ASIC2: variants seen among roughly 807,000 people sequenced by gnomAD.
ASIC2 encodes the protein acid-sensing ion channel 2.
In ASIC2, 25 loss-of-function variants were observed where a neutral mutation model predicts 57.3. That is an observed-to-expected ratio of 0.44 (90% confidence interval 0.32 to 0.61). The LOEUF (loss-of-function observed/expected upper bound fraction) is 0.61. ASIC2 is among the 20% of genes least tolerant of loss of function. ASIC2 has a pLI of 0.06. For missense variants in ASIC2, 641 were observed against 738.1 expected (o/e 0.87, Z 1.52); for synonymous variants, 319 against 307.5 (o/e 1.04, Z -0.39).
intron 1 of ASIC2, among the ~76,000 whole-genome samples, chr17:33,272,586 G>GTCA (rs922431515): frequency 3.3e-5 from 5 of 151,960 alleles, no homozygotes; most frequent in African/African-American, 9.7e-5. Flanking sequence ...TGGCTGTATT[G>GTCA]TCATCATCAT....
intron 1 of ASIC2, among the ~76,000 whole-genome samples, chr17:33,207,660 A>G (rs1907115891): frequency 6.6e-6 from 1 of 152,200 alleles, no homozygotes; most frequent in Non-Finnish European, 1.5e-5. Flanking sequence ...TTTAGTGCAC[A>G]CTGGCCCCGT....
chr17:33,813,739 A>G (rs956537416), intron 1 of ASIC2, among the ~76,000 whole-genome samples: 4 of 152,238 alleles, frequency 2.6e-5, no homozygotes, highest in African/African-American at 9.6e-5. Context: ...CCCGGCCTAA[A>G]GCCAAGTTTT....
At chr17:33,575,576 T>C (rs1373361799) in intron 1 of ASIC2, among the ~76,000 whole-genome samples, 1 of 152,218 alleles carries the variant, frequency 6.6e-6, no homozygotes, top group Non-Finnish European at 1.5e-5. Flanking sequence ...GGCCTACCTA[T>C]GGTTTGTCCT....
chr17:33,084,484 C>T lies in ASIC2; in HGVS notation c.987+4379G>A, dbSNP rs191793136. 3.0e-4 allele frequency among the ~76,000 whole-genome samples: 46 copies of T among 152,356 alleles called. No individual in the cohort carries two copies. In the East Asian group the frequency reaches 6.2e-3, roughly 20 times the overall value. On this transcript the variant is annotated intron_variant, in intron 3 of 9. Coordinates refer to ENST00000225823, the MANE Select transcript of ASIC2 (RefSeq NM_183377.2). ...TGGCAGAGCAGAAAGAGCATGGGTG[C>T]GGGAACCTGGTAGATTCGGGCTTGA...
intron 1 of ASIC2, among the ~76,000 whole-genome samples, chr17:33,344,641 G>C (rs1327688833): frequency 6.6e-6 from 1 of 152,118 alleles, no homozygotes; most frequent in Middle Eastern, 3.2e-3. Context: ...AAATGAGATA[G>C]TGTGTTGAAT....
At chr17:33,651,114 C>G (rs1469938052) in intron 1 of ASIC2, among the ~76,000 whole-genome samples, 3 of 152,038 alleles carry the variant, frequency 2.0e-5, no homozygotes, top group Non-Finnish European at 4.4e-5. Flanking sequence ...ACACATGTGA[C>G]AAAATTTTGT....
intron 1 of ASIC2, among the ~76,000 whole-genome samples, chr17:33,875,644 C>T (rs1474500275): frequency 1.3e-5 from 2 of 152,178 alleles, no homozygotes; most frequent in African/African-American, 2.4e-5. Context: ...TGCTCCTCTC[C>T]TTAAATCTTT....
intron 1 of ASIC2, among the ~76,000 whole-genome samples, chr17:33,409,006 G>T (rs61198614): frequency 0.013 from 1,924 of 152,292 alleles, 44 homozygotes; most frequent in African/African-American, 0.043. Context: ...TTGAGCTCAG[G>T]AGTTCGAGAC....
At chr17:33,488,967 A>G (rs1244425477) in intron 1 of ASIC2, among the ~76,000 whole-genome samples, 2 of 152,072 alleles carry the variant, frequency 1.3e-5, no homozygotes, top group Non-Finnish European at 2.9e-5. Flanking sequence ...AGCATGGGTC[A>G]CAGTCCCAAC....
intron 2 of ASIC2, among the ~76,000 whole-genome samples, chr17:33,105,726 T>C (rs2092232001): frequency 6.6e-6 from 1 of 152,286 alleles, no homozygotes; most frequent in Non-Finnish European, 1.5e-5. Context: ...TAGAGACTCA[T>C]CAAATGGCTT....
chr17:33,947,769 T>C (rs530947953), intron 1 of ASIC2, among the ~76,000 whole-genome samples: 61 of 152,324 alleles, frequency 4.0e-4, no homozygotes, highest in Admixed American at 8.5e-4. Flanking sequence ...TATTTTCTGG[T>C]CAAAGAGGAC....
At chr17:33,963,194 A>G (rs1293960985) in intron 1 of ASIC2, among the ~76,000 whole-genome samples, 2 of 151,912 alleles carry the variant, frequency 1.3e-5, no homozygotes, top group African/African-American at 4.8e-5. Context: ...TCTGCTCCCA[A>G]CTACACTTCT....
chr17:33,425,419 A>T (rs1911184100), intron 1 of ASIC2, among the ~76,000 whole-genome samples: 1 of 152,228 alleles, frequency 6.6e-6, no homozygotes, highest in African/African-American at 2.4e-5. Flanking sequence ...AATTAGAGAG[A>T]TGTACATAAT....
chr17:33,779,270 G>A (rs1170062405), intron 1 of ASIC2, among the ~76,000 whole-genome samples: 1 of 152,076 alleles, frequency 6.6e-6, no homozygotes, highest in Non-Finnish European at 1.5e-5. Flanking sequence ...AACTCTGCCT[G>A]GGGTGCAGTT....
At chr17:34,106,717 T>TA (rs1471462949) in intron 1 of ASIC2, among the ~76,000 whole-genome samples, 1 of 152,182 alleles carries the variant, frequency 6.6e-6, no homozygotes, top group African/African-American at 2.4e-5. Context: ...GAGAACTCCT[T>TA]AAAGCTAGTT....
chr17:34,059,950 C>T (rs56914871), intron 1 of ASIC2, among the ~76,000 whole-genome samples: 48,653 of 152,086 alleles, frequency 0.32, 8,434 homozygotes, highest in African/African-American at 0.45. Context: ...CTTGGGAGTT[C>T]TAGGGCCCTG....
At chr17:34,004,188 GAAGGAA>G (rs113273130) in intron 1 of ASIC2, 12,835 of 152,142 alleles carry the variant, frequency 0.084, 864 homozygotes, top group East Asian at 0.22. Flanking sequence ...GGAGATGGGA[GAAGGAA>G]AAGGAAAAGG....
intron 1 of ASIC2, among the ~76,000 whole-genome samples, chr17:33,815,189 T>C (rs555810801): frequency 1.1e-3 from 160 of 152,296 alleles, no homozygotes; most frequent in African/African-American, 3.8e-3. Flanking sequence ...CAGTTTCCCA[T>C]AGTGGGGTCT....
intron 1 of ASIC2, among the ~76,000 whole-genome samples, chr17:34,087,538 G>C (rs1216697618): frequency 6.6e-6 from 1 of 152,080 alleles, no homozygotes; most frequent in Non-Finnish European, 1.5e-5. Flanking sequence ...TCTTCTCGAG[G>C]AGTATCTTTG....
Sources: allele counts gnomAD v4.1 joint callset (sites outside exome capture counted in the v4.1 genomes callset), GRCh38; gene constraint gnomAD v4.1.1; transcripts MANE v1.5; gene names NCBI Gene and HGNC (gene_info 2026-07-23, HGNC 2026-07-21).